Variants in TMEM135 observed in about 807,000 individuals in gnomAD.
TMEM135 encodes the protein transmembrane protein 135.
TMEM135 carries 30 observed loss-of-function variants against 60.3 expected under a neutral mutation model. The ratio of observed to expected loss-of-function variants is 0.50; its 90% CI spans 0.37 to 0.68. The LOEUF is 0.68. Among genes scored for constraint, TMEM135 ranks in the 30% least tolerant of loss-of-function variants. The pLI is 0.00. For synonymous variants in TMEM135, 190 were observed against 186.7 expected, an observed-to-expected ratio of 1.02 and a Z score of -0.14; for missense variants, 468 against 548.8, an observed-to-expected ratio of 0.85 and a Z score of 1.47.
intron 1 of TMEM135, among the ~76,000 whole-genome samples, chr11:87,043,193 G>C (rs1394538750): frequency 1.3e-5 from 2 of 151,590 alleles, no homozygotes; most frequent in African/African-American, 4.9e-5. Context: ...GACCTCAGGT[G>C]ATCCACCTGC....
At chr11:87,176,438 C>T (rs1939370122) in intron 5 of TMEM135, among the ~76,000 whole-genome samples, 1 of 152,120 alleles carries the variant, frequency 6.6e-6, no homozygotes. Flanking sequence ...AAAAATAAAT[C>T]ACCCAATCTC....
chr11:87,212,824 GAAAA>G (rs60084755), intron 5 of TMEM135, among the ~76,000 whole-genome samples: 14 of 105,518 alleles, frequency 1.3e-4, no homozygotes, highest in Middle Eastern at 5.2e-3. Context: ...CCTGATTTTG[GAAAA>G]AAAAAAAAAA....
At position 87,323,116 on chromosome 11, in the gene TMEM135, T is replaced by G. The variant is rs1475669134; in HGVS notation, c.*1783T>G. 4.4e-6 allele frequency: 2 copies of G among 453,664 alleles called. No homozygotes were observed. The highest frequency in any genetic ancestry group is 2.0e-5 in the African/African-American group (1 of 49,992). The allele number at this position is 453,664 out of a possible 1,614,324, so 28.1% of individuals were successfully genotyped here. ...TTTAATTCATAAATTATTGTTTTCA[T>G]TGACATTAAAAGACTGTGATATTGA... is the stretch of plus-strand genomic sequence containing the variant. On this transcript the variant is annotated 3_prime_UTR_variant, in exon 15 of 15. Coordinates refer to ENST00000305494, the MANE Select transcript of TMEM135 (RefSeq NM_022918.4).
At chr11:87,047,470 G>A (rs528610919) in intron 1 of TMEM135, among the ~76,000 whole-genome samples, 5 of 151,304 alleles carry the variant, frequency 3.3e-5, no homozygotes, top group African/African-American at 1.2e-4. Context: ...CACCGTGCGC[G>A]AGCCGAAGCA....
intron 5 of TMEM135, among the ~76,000 whole-genome samples, chr11:87,223,263 C>T (rs1164125411): frequency 6.7e-6 from 1 of 149,902 alleles, no homozygotes; most frequent in African/African-American, 2.4e-5. Flanking sequence ...CTCCCGGGTT[C>T]ATGCTATTCT....
At chr11:87,319,522 G>A in intron 14 of TMEM135, 145 bp downstream of exon 14, 1 of 648,170 alleles carries the variant, frequency 1.5e-6, no homozygotes, top group South Asian at 2.0e-5. Flanking sequence ...TTTTTTGAGT[G>A]AGCATTATTC....
intron 4 of TMEM135, among the ~76,000 whole-genome samples, chr11:87,128,943 A>G (rs1379122912): frequency 6.6e-6 from 1 of 152,012 alleles, no homozygotes. Context: ...AGAAACTCCA[A>G]TGAATTATTT....
intron 6 of TMEM135, among the ~76,000 whole-genome samples, chr11:87,246,212 A>G (rs557730985): frequency 2.5e-4 from 37 of 146,852 alleles, no homozygotes; most frequent in African/African-American, 8.2e-4. Flanking sequence ...AGTTTCTGCC[A>G]AGAGATCCGC....
intron 5 of TMEM135, among the ~76,000 whole-genome samples, chr11:87,197,838 G>A (rs906842728): frequency 6.6e-6 from 1 of 152,056 alleles, no homozygotes; most frequent in Non-Finnish European, 1.5e-5. Flanking sequence ...TATCAGAGAA[G>A]AAAATGTATA....
rs542092756 is a variant in TMEM135, at chr11:87,171,830, A to G, written c.462+14424A>G. On this transcript the variant is annotated intron_variant, in intron 5 of 14. Transcript: ENST00000305494. ...TGAAACTGTTCTACCTCACATCATC[A>G]TTAGATTATCAAAGGGAGCACACAA... Among the ~76,000 whole-genome samples the G allele has an allele frequency of 8.5e-5, 13 of 152,208 alleles. 2 individuals carry two copies. In the South Asian group the frequency reaches 2.7e-3, roughly 32 times the overall value.
At chr11:87,205,473 T>C (rs887878013) in intron 5 of TMEM135, among the ~76,000 whole-genome samples, 2 of 152,166 alleles carry the variant, frequency 1.3e-5, no homozygotes, top group African/African-American at 4.8e-5. Context: ...CAGATATTGA[T>C]GGATAATGTA....
chr11:87,247,866 A>C (rs11533277), intron 6 of TMEM135, among the ~76,000 whole-genome samples: 99,734 of 151,350 alleles, frequency 0.66, 33,408 homozygotes, highest in Non-Finnish European at 0.71. Flanking sequence ...CACCCACTGT[A>C]CTGCACCCAC....
At chr11:87,089,098 GT>G (rs1411073109) in intron 3 of TMEM135, among the ~76,000 whole-genome samples, 2 of 152,116 alleles carry the variant, frequency 1.3e-5, no homozygotes, top group Non-Finnish European at 2.9e-5. Context: ...TGAATTTTAT[GT>G]TTAGACTTGG....
chr11:87,121,488 G>A (rs1164502582), intron 4 of TMEM135: 6 of 151,856 alleles, frequency 4.0e-5, no homozygotes, highest in Admixed American at 3.9e-4. Flanking sequence ...GTATGAGATG[G>A]GACTGGAAGG....
intron 6 of TMEM135, among the ~76,000 whole-genome samples, chr11:87,259,828 C>T (rs949197878): frequency 2.0e-5 from 3 of 152,174 alleles, no homozygotes; most frequent in African/African-American, 7.2e-5. Flanking sequence ...TCATCTCTGT[C>T]TAGCGTCTTC....
intron 1 of TMEM135, among the ~76,000 whole-genome samples, chr11:87,044,013 C>G (rs2135105927): frequency 6.6e-6 from 1 of 152,176 alleles, no homozygotes; most frequent in East Asian, 1.9e-4. Flanking sequence ...AAAGTAGAAT[C>G]TTTTGCATTT....
chr11:87,042,796 C>T (rs1271905253), intron 1 of TMEM135, among the ~76,000 whole-genome samples: 2 of 151,360 alleles, frequency 1.3e-5, no homozygotes, highest in African/African-American at 4.9e-5. Context: ...TTCTTTTAAT[C>T]TTAGTATCTA....
intron 13 of TMEM135, among the ~76,000 whole-genome samples, chr11:87,318,560 G>T (rs2134535629): frequency 2.6e-5 from 4 of 151,802 alleles, no homozygotes; most frequent in East Asian, 3.9e-4. Flanking sequence ...AAAAAAAAAG[G>T]ATAATAGGGA....
At chr11:87,251,648 A>G (rs1340535004) in intron 6 of TMEM135, among the ~76,000 whole-genome samples, 1 of 152,052 alleles carries the variant, frequency 6.6e-6, no homozygotes, top group East Asian at 1.9e-4. Context: ...AATTTCCCAG[A>G]AAAATACTGA....
Sources: gnomAD v4.1 joint callset for allele counts (sites outside exome capture counted in the v4.1 genomes callset) on GRCh38, gnomAD v4.1.1 for gene constraint, MANE v1.5 for transcripts, NCBI Gene and HGNC (gene_info 2026-07-23, HGNC 2026-07-21) for gene names.